Variants in MDGA2 observed in about 807,000 individuals in gnomAD.
MDGA2 encodes MAM domain-containing glycosylphosphatidylinositol anchor protein 2.
Under a neutral mutation model 117.8 loss-of-function variants are expected in MDGA2, and 40 were observed. That is an observed-to-expected ratio of 0.34 (90% CI 0.26 to 0.44). MDGA2 has a LOEUF of 0.44. Ranked by LOEUF, MDGA2 falls within the 20% of genes least tolerant of loss-of-function variation. The probability of loss-of-function intolerance (pLI) is 1.00; values close to 1 mark genes in which losing one functional copy is unlikely to be tolerated. For synonymous variants in MDGA2, 452 were observed against 439.0 expected, an observed-to-expected ratio of 1.03 and a Z score of -0.37; for missense variants, 1,123 against 1,250.6, an observed-to-expected ratio of 0.90 and a Z score of 1.54.
At chr14:47,304,670 C>T (rs1310656634) in intron 1 of MDGA2, among the ~76,000 whole-genome samples, 1 of 152,082 alleles carries the variant, frequency 6.6e-6, no homozygotes, top group Non-Finnish European at 1.5e-5. Flanking sequence ...TGTTTCTCTG[C>T]TTAAGAACCT....
chr14:46,854,801 G>C (rs2933215), intron 15 of MDGA2, among the ~76,000 whole-genome samples: 151,770 of 152,008 alleles, frequency 1, 75,768 homozygotes, highest in Middle Eastern at 1. Flanking sequence ...TTTTGATAAA[G>C]TATTATTCAA....
chr14:47,204,703 A>G (rs1311863689), intron 3 of MDGA2, among the ~76,000 whole-genome samples: 1 of 151,994 alleles, frequency 6.6e-6, no homozygotes, highest in Non-Finnish European at 1.5e-5. Context: ...TCAGACTCAT[A>G]GTGAACTTGT....
At chr14:47,193,527 T>C (rs1477054411) in intron 3 of MDGA2, among the ~76,000 whole-genome samples, 1 of 152,188 alleles carries the variant, frequency 6.6e-6, no homozygotes, top group East Asian at 1.9e-4. Flanking sequence ...CTGTTTATCT[T>C]TGATCTCTCA....
chr14:47,495,233 A>T (rs1406414014), intron 1 of MDGA2, among the ~76,000 whole-genome samples: 2 of 152,094 alleles, frequency 1.3e-5, no homozygotes, highest in Admixed American at 1.3e-4. Flanking sequence ...ACATGGACAT[A>T]CAGAGTGTAA....
At chr14:47,340,735 T>G (rs7155061) in intron 1 of MDGA2, among the ~76,000 whole-genome samples, 146,716 of 152,222 alleles carry the variant, frequency 0.96, 70,955 homozygotes, top group East Asian at 1. Flanking sequence ...GTCAATTAAG[T>G]TCCTCTTTTC....
intron 6 of MDGA2, among the ~76,000 whole-genome samples, chr14:47,078,041 G>A (rs1890560789): frequency 6.6e-6 from 1 of 152,054 alleles, no homozygotes; most frequent in Admixed American, 6.5e-5. Flanking sequence ...TCTAATACGT[G>A]AGGGATGAGG....
At chr14:47,580,892 A>G (rs904165742) in intron 1 of MDGA2, among the ~76,000 whole-genome samples, 5 of 152,028 alleles carry the variant, frequency 3.3e-5, no homozygotes, top group Non-Finnish European at 4.4e-5. Flanking sequence ...AAAGGAGCAT[A>G]TATCAACAGT....
intron 1 of MDGA2, among the ~76,000 whole-genome samples, chr14:47,334,561 A>G (rs958153710): frequency 2.6e-5 from 4 of 152,084 alleles, no homozygotes; most frequent in Non-Finnish European, 5.9e-5. Context: ...GCAGTGAATA[A>G]ATAGTGGTTA....
At chr14:47,351,815 A>G (rs983240140) in intron 1 of MDGA2, among the ~76,000 whole-genome samples, 2 of 152,210 alleles carry the variant, frequency 1.3e-5, no homozygotes, top group African/African-American at 4.8e-5. Flanking sequence ...TGAAGTTACA[A>G]ATAATAAGAA....
chr14:47,458,982 T>C lies in MDGA2; in HGVS notation c.281-157432A>G, dbSNP rs187153920. 1.0e-3 allele frequency among the ~76,000 whole-genome samples: 157 copies of C among 150,636 alleles called. 2 individuals are homozygous for C. Among genetic ancestry groups the C allele is most frequent in the Non-Finnish European group, 8.6e-4 (58 of 67,752 alleles). ...AGGTATATTTTCTTCTGCCCTTCAA[T>C]AGTTCTTTAACTAGGGAGAGAAGTA... On this transcript the variant is annotated intron_variant, in intron 1 of 16. Transcript: ENST00000399232.
intron 1 of MDGA2, among the ~76,000 whole-genome samples, chr14:47,339,940 G>T (rs1253911938): frequency 6.6e-6 from 1 of 152,148 alleles, no homozygotes; most frequent in Non-Finnish European, 1.5e-5. Context: ...AGTAATGCCA[G>T]TCCTATTCTG....
chr14:47,249,134 C>T (rs562298623), intron 2 of MDGA2, among the ~76,000 whole-genome samples: 20 of 152,038 alleles, frequency 1.3e-4, no homozygotes, highest in African/African-American at 4.8e-4. Flanking sequence ...TCTCCTGCCT[C>T]AGCCCCCCGA....
intron 2 of MDGA2, among the ~76,000 whole-genome samples, chr14:47,220,838 G>A (rs942308549): frequency 3.3e-5 from 5 of 152,120 alleles, no homozygotes; most frequent in Admixed American, 6.5e-5. Context: ...GAGGGAAAGG[G>A]CTATCTCCCA....
At chr14:47,019,810 G>A (rs948861365) in intron 8 of MDGA2, among the ~76,000 whole-genome samples, 3 of 148,354 alleles carry the variant, frequency 2.0e-5, no homozygotes, top group African/African-American at 5.0e-5. Context: ...CACCACTCCA[G>A]CCGGGGCGAC....
At chr14:47,034,781 T>C (rs983071459) in intron 8 of MDGA2, among the ~76,000 whole-genome samples, 81 of 151,882 alleles carry the variant, frequency 5.3e-4, no homozygotes, top group Non-Finnish European at 1.0e-3. Context: ...AAAACAACTC[T>C]TTCTATTAGT....
chr14:47,449,197 C>A lies in MDGA2; in HGVS notation c.281-147647G>T, dbSNP rs202068130. On this transcript the variant is annotated intron_variant, in intron 1 of 16. Coordinates refer to ENST00000399232, the MANE Select transcript of MDGA2 (RefSeq NM_001113498.3). ...TGAAGGCATATGGCATTTTTTTGTTCTTTACTTTTGGAAACTCCTCAATGC... is the reference window on the plus strand; with the variant it reads ...TGAAGGCATATGGCATTTTTTTGTTATTTACTTTTGGAAACTCCTCAATGC... Among the ~76,000 whole-genome samples the A allele has an allele frequency of 1.1e-4, 16 of 152,078 alleles. No individual in the cohort carries two copies. In the East Asian group the frequency reaches 2.7e-3, roughly 26 times the overall value.
intron 1 of MDGA2, among the ~76,000 whole-genome samples, chr14:47,541,320 A>C (rs896904818): frequency 6.6e-6 from 1 of 152,232 alleles, no homozygotes; most frequent in Non-Finnish European, 1.5e-5. Flanking sequence ...GAAGAATCCA[A>C]AAATAAAACC....
At chr14:46,854,097 G>C (rs1881168649) in intron 15 of MDGA2, among the ~76,000 whole-genome samples, 1 of 151,506 alleles carries the variant, frequency 6.6e-6, no homozygotes, top group African/African-American at 2.4e-5. Context: ...AAAGCAATTA[G>C]AATTTATAGA....
intron 7 of MDGA2, among the ~76,000 whole-genome samples, chr14:47,041,912 C>T (rs1337338474): frequency 6.6e-6 from 1 of 151,908 alleles, no homozygotes; most frequent in South Asian, 2.1e-4. Flanking sequence ...AAAAATATGA[C>T]TGTAGTGCAC....
Sources: gnomAD v4.1 joint callset for allele counts (sites outside exome capture counted in the v4.1 genomes callset) on GRCh38, gnomAD v4.1.1 for gene constraint, MANE v1.5 for transcripts, NCBI Gene and HGNC (gene_info 2026-07-23, HGNC 2026-07-21) for gene names.